The following SLCO5A1 variants were observed in gnomAD, a reference collection of about 807,000 sequenced individuals.
SLCO5A1 encodes organic anion transporter polypeptide-related protein 4.
Under a neutral mutation model 65.1 loss-of-function variants are expected in SLCO5A1, and 39 were observed. That is an observed-to-expected ratio of 0.60 (90% CI 0.46 to 0.78). The LOEUF (loss-of-function observed/expected upper bound fraction) is 0.78, where lower values mean the gene tolerates loss of function less well. Ranked by LOEUF, SLCO5A1 falls within the 30% of genes least tolerant of loss-of-function variation. The pLI is 0.00. For synonymous variants in SLCO5A1, 438 were observed against 415.7 expected (o/e 1.05, Z -0.65); for missense variants, 1,029 against 1,069.4 (o/e 0.96, Z 0.53).
chr8:69,735,361 C>G (rs879497583), intron 5 of SLCO5A1, among the ~76,000 whole-genome samples: 10 of 152,064 alleles, frequency 6.6e-5, no homozygotes, highest in Non-Finnish European at 1.5e-4. Context: ...TTATAAAATG[C>G]GTGCACACGT....
intron 4 of SLCO5A1, among the ~76,000 whole-genome samples, chr8:69,745,572 A>G (rs987318945): frequency 6.6e-6 from 1 of 152,218 alleles, no homozygotes; most frequent in Non-Finnish European, 1.5e-5. Flanking sequence ...ATTAAATACC[A>G]AACAAACATA....
intron 2 of SLCO5A1, among the ~76,000 whole-genome samples, chr8:69,799,661 C>T (rs1436190678): frequency 5.9e-5 from 9 of 152,184 alleles, no homozygotes; most frequent in Admixed American, 5.9e-4. Context: ...AACTTACAAT[C>T]ATGGCAGAAG....
chr8:69,698,823 C>T (rs1004964819), intron 6 of SLCO5A1, among the ~76,000 whole-genome samples: 9 of 152,170 alleles, frequency 5.9e-5, no homozygotes, highest in South Asian at 2.1e-4. Flanking sequence ...TCCCTTTCCA[C>T]GGAAGTTATC....
chr8:69,734,204 T>C (rs979735740), intron 5 of SLCO5A1, among the ~76,000 whole-genome samples: 4 of 152,202 alleles, frequency 2.6e-5, no homozygotes, highest in African/African-American at 9.7e-5. Context: ...ACCCTGCACC[T>C]GCTTGCCTTT....
intron 4 of SLCO5A1, among the ~76,000 whole-genome samples, chr8:69,743,568 T>G (rs556575964): frequency 6.6e-6 from 1 of 152,290 alleles, no homozygotes; most frequent in African/African-American, 2.4e-5. Context: ...AATCATCTTT[T>G]CAAGTGGGCA....
chr8:69,825,012 A>G (rs1472815056), intron 2 of SLCO5A1, among the ~76,000 whole-genome samples: 5 of 152,186 alleles, frequency 3.3e-5, no homozygotes, highest in African/African-American at 7.2e-5. Context: ...TATAAACAGA[A>G]CCAAAGACAA....
intron 3 of SLCO5A1, among the ~76,000 whole-genome samples, chr8:69,759,422 T>C (rs1205900264): frequency 6.6e-6 from 1 of 152,172 alleles, no homozygotes; most frequent in Non-Finnish European, 1.5e-5. Flanking sequence ...AGCTAACACA[T>C]ACTGTACAGC....
At chr8:69,673,776 G>A (rs1231574355) in intron 9 of SLCO5A1, among the ~76,000 whole-genome samples, 1 of 152,148 alleles carries the variant, frequency 6.6e-6, no homozygotes, top group Non-Finnish European at 1.5e-5. Context: ...GTTCTTGTGG[G>A]TTGGGCTTTA....
chr8:69,723,939 T>C (rs2130829199), intron 5 of SLCO5A1, among the ~76,000 whole-genome samples: 1 of 152,194 alleles, frequency 6.6e-6, no homozygotes, highest in South Asian at 2.1e-4. Context: ...ATCCAGCTAA[T>C]TTTTTGTATT....
chr8:69,793,019 C>A (rs1300708831), intron 2 of SLCO5A1, among the ~76,000 whole-genome samples: 1 of 151,726 alleles, frequency 6.6e-6, no homozygotes, highest in Non-Finnish European at 1.5e-5. Flanking sequence ...CACTCTCTGC[C>A]CAGGCTGGAT....
chr8:69,760,109 C>A (rs990933904), intron 3 of SLCO5A1, among the ~76,000 whole-genome samples: 2 of 152,166 alleles, frequency 1.3e-5, no homozygotes, highest in East Asian at 3.8e-4. Context: ...GTCACTGTGC[C>A]CTCCTTAAGG....
At chr8:69,750,661 C>T (rs1445343757) in intron 4 of SLCO5A1, among the ~76,000 whole-genome samples, 2 of 152,306 alleles carry the variant, frequency 1.3e-5, no homozygotes, top group Non-Finnish European at 2.9e-5. Context: ...TACTGAAATC[C>T]TCCCAGTCTT....
chr8:69,683,931 T>A (rs976284221), intron 6 of SLCO5A1, among the ~76,000 whole-genome samples: 3 of 152,222 alleles, frequency 2.0e-5, no homozygotes, highest in Non-Finnish European at 4.4e-5. Flanking sequence ...TCATGCGTGT[T>A]AATTGGTGTT....
At chr8:69,696,173 G>A (rs1814490653) in intron 6 of SLCO5A1, among the ~76,000 whole-genome samples, 1 of 152,188 alleles carries the variant, frequency 6.6e-6, no homozygotes. Flanking sequence ...AGAGTCTTGA[G>A]GAAACTTGCT....
At chr8:69,829,697 G>T (rs1821079735) in intron 2 of SLCO5A1, among the ~76,000 whole-genome samples, 1 of 151,858 alleles carries the variant, frequency 6.6e-6, no homozygotes, top group Non-Finnish European at 1.5e-5. Context: ...CAGTATAAAA[G>T]ACTTTCAGAG....
chr8:69,706,127 C>T (rs181071185), intron 5 of SLCO5A1, among the ~76,000 whole-genome samples: 17 of 152,314 alleles, frequency 1.1e-4, no homozygotes, highest in African/African-American at 3.8e-4. Context: ...CTACACACAA[C>T]TTCGTATGAA....
At chr8:69,673,484 C>T (rs1329638846) in intron 9 of SLCO5A1, among the ~76,000 whole-genome samples, 158 bp from the exon 10 acceptor site, 1 of 152,052 alleles carries the variant, frequency 6.6e-6, no homozygotes, top group Non-Finnish European at 1.5e-5. Flanking sequence ...CATATTTTAT[C>T]ACAATATATT....
chr8:69,825,989 AT>A (rs1820892451), intron 2 of SLCO5A1, among the ~76,000 whole-genome samples: 1 of 152,232 alleles, frequency 6.6e-6, no homozygotes, highest in African/African-American at 2.4e-5. Context: ...ATCTACAACT[AT>A]CTGATCTTTG....
chr8:69,718,264 T>A (rs1468122646), intron 5 of SLCO5A1, among the ~76,000 whole-genome samples: 3 of 152,222 alleles, frequency 2.0e-5, no homozygotes, highest in Non-Finnish European at 4.4e-5. Context: ...GTTGAACATA[T>A]TTATTAGTTC....
Sources: allele counts gnomAD v4.1 joint callset (sites outside exome capture counted in the v4.1 genomes callset), GRCh38; gene constraint gnomAD v4.1.1; transcripts MANE v1.5; gene names NCBI Gene and HGNC (gene_info 2026-07-23, HGNC 2026-07-21).